ALAS1: variants seen among roughly 807,000 people sequenced by gnomAD.
ALAS1 encodes the protein 5'-aminolevulinate synthase 1, also known as 5-aminolevulinate synthase, non-specific, mitochondrial.
Under a neutral mutation model 59.6 loss-of-function variants are expected in ALAS1, and 29 were observed. The observed-to-expected ratio is 0.49, with a 90% CI of 0.36 to 0.66. The LOEUF is 0.66. Ranked by LOEUF, ALAS1 falls within the 30% of genes least tolerant of loss-of-function variation. The pLI, the probability that ALAS1 is intolerant of heterozygous loss-of-function variation, is 0.00. For synonymous variants in ALAS1, 299 were observed against 296.6 expected (o/e 1.01, Z -0.08); for missense variants, 690 against 807.5 (o/e 0.85, Z 1.76).
rs775005654 is a variant in ALAS1 at position 52,208,140 on chromosome 3, C to G, written c.1223C>G (p.Thr408Ser). The change falls in exon 9 of 12, where the codon ACC becomes AGC. Residue 408 changes from threonine to serine, a missense_variant. Thr to Ser is a moderately conservative substitution (Grantham distance 58). Transcript: ENST00000484952. ...CDVAHEFGAI[T>S]FVDEVHAVGL... is the part of the protein sequence containing the mutation. ...GTGGCCCATGAGTTTGGAGCAATCA[C>G]CTTCGTGGATGAGGTCCACGCAGTG... 1.2e-6 allele frequency: 2 copies of G among 1,610,942 alleles called. No individual in the cohort carries two copies. Among genetic ancestry groups the G allele is most frequent in the Admixed American group, 3.3e-5 (2 of 59,710 alleles).
intron 11 of ALAS1, among the ~76,000 whole-genome samples, chr3:52,213,367 G>A (rs1489385430): frequency 6.6e-6 from 1 of 152,188 alleles, no homozygotes; most frequent in East Asian, 1.9e-4. Flanking sequence ...ACGTGGCAGT[G>A]TTGGAGCAGC....
chr3:52,207,205 A>C (rs916569264), intron 8 of ALAS1, among the ~76,000 whole-genome samples: 1 of 151,872 alleles, frequency 6.6e-6, no homozygotes, highest in Non-Finnish European at 1.5e-5. Context: ...GGGTTTCACC[A>C]TGTTAGCTAG....
chr3:52,208,005 C>T (rs111868598), intron 8 of ALAS1, 78 bp from the exon 9 acceptor site: 36 of 1,366,398 alleles, frequency 2.6e-5, no homozygotes, highest in East Asian at 2.1e-4. Context: ...TAGAAGTTTA[C>T]GTTGTTCTGA....
chr3:52,199,740 A>T (rs1699150256), intron 3 of ALAS1, among the ~76,000 whole-genome samples: 2 of 152,210 alleles, frequency 1.3e-5, no homozygotes, highest in African/African-American at 4.8e-5. Flanking sequence ...TAAATATTAA[A>T]TTGGAATGTT....
chr3:52,199,864 C>A (rs935932056), intron 3 of ALAS1, among the ~76,000 whole-genome samples: 1 of 152,164 alleles, frequency 6.6e-6, no homozygotes, highest in African/African-American at 2.4e-5. Flanking sequence ...CTCTGTCGCC[C>A]AGGTTGGAGT....
chr3:52,199,424 C>T lies in ALAS1; in HGVS notation c.183C>T (p.Thr61=), dbSNP rs895199424. 1.9e-6 allele frequency: 3 copies of T among 1,613,904 alleles called. No homozygotes were observed. The highest frequency in any genetic ancestry group is 2.5e-6 in the Non-Finnish European group (3 of 1,179,908). Residue 61 remains threonine, a synonymous_variant, in exon 3 of 12, where the codon ACC becomes ACT. Coordinates refer to ENST00000484952, the MANE Select transcript of ALAS1 (RefSeq NM_000688.6). ...TACACTACCAACAGATCAAAGAAAC[C>T]CCTCCGGCCAGTGAGAGTAAGTGTC... ...AAVHYQQIKE[T]PPASEKDKTA... is the part of the protein sequence containing the mutation.
At chr3:52,209,504 G>T (rs1023230569) in intron 9 of ALAS1, among the ~76,000 whole-genome samples, 2 of 152,172 alleles carry the variant, frequency 1.3e-5, no homozygotes, top group East Asian at 1.9e-4. Flanking sequence ...ACCACACCCG[G>T]CCAGAAGCTC....
At chr3:52,206,852 T>C in intron 8 of ALAS1, 101 bp downstream of exon 8, 1 of 1,282,522 alleles carries the variant, frequency 7.8e-7, no homozygotes, top group South Asian at 1.5e-5. Context: ...TTTTTTTTTT[T>C]GTGACCGATC....
At chr3:52,213,186 G>A (rs34450753) in intron 11 of ALAS1, among the ~76,000 whole-genome samples, 3 of 152,124 alleles carry the variant, frequency 2.0e-5, no homozygotes, top group Non-Finnish European at 4.4e-5. Flanking sequence ...CAACTGCCCC[G>A]TGGTTCTATA....
chr3:52,207,338 G>C (rs1399722955), intron 8 of ALAS1, among the ~76,000 whole-genome samples: 1 of 151,836 alleles, frequency 6.6e-6, no homozygotes, highest in Non-Finnish European at 1.5e-5. Context: ...GGGTTTCACT[G>C]TGTTAGTCAG....
Position 52,212,432 on chromosome 3 carries a change from G to A in ALAS1, c.1762+12G>A, listed in dbSNP as rs1336968396. The A allele has an allele frequency of 6.2e-7, 1 of 1,613,718 alleles. No individual in the cohort carries two copies. The highest frequency in any genetic ancestry group is 1.1e-5 in the South Asian group (1 of 91,068). ...GAACTACTTCCTTGGTGAGTACCTG[G>A]GGAGCTGCTGGTGCCTCACTGAGGA... On this transcript the variant is annotated intron_variant, in intron 11 of 11. Transcript: ENST00000484952.
At chr3:52,213,882 C>A in intron 11 of ALAS1, 138 bp from the exon 12 acceptor site, 1 of 731,832 alleles carries the variant, frequency 1.4e-6, no homozygotes, top group Non-Finnish European at 2.2e-6. Flanking sequence ...TATTGGTGGA[C>A]ATTTGGTTGT....
chr3:52,198,926 C>T, intron 2 of ALAS1, 78 bp downstream of exon 2: 1 of 1,452,916 alleles, frequency 6.9e-7, no homozygotes, highest in Middle Eastern at 1.7e-4. Flanking sequence ...TTGACCTTTC[C>T]CTCATCCTTC....
intron 9 of ALAS1, among the ~76,000 whole-genome samples, chr3:52,210,706 G>C (rs1312608297): frequency 6.6e-6 from 1 of 152,110 alleles, no homozygotes; most frequent in Non-Finnish European, 1.5e-5. Flanking sequence ...TTGAGCCCAG[G>C]AGGTTGAGGC....
rs1577965662 is a variant in ALAS1, at chr3:52,204,796, C to T, written c.681C>T (p.His227=). 2 of 1,614,186 alleles carry T rather than the reference C, an allele frequency of 1.2e-6. No individual in the cohort carries two copies. The highest frequency in any genetic ancestry group is 1.1e-5 in the South Asian group (1 of 91,084). ...RVFKTVNRRA[H]IFPMADDYSD... ...TTAAAACTGTGAACCGGCGAGCACACATCTTCCCCATGGCAGATGACTATT... is the reference window on the plus strand; with the variant it reads ...TTAAAACTGTGAACCGGCGAGCACATATCTTCCCCATGGCAGATGACTATT... Residue 227 remains histidine, a synonymous_variant, in exon 6 of 12, where the codon CAC becomes CAT. Transcript: ENST00000484952.
chr3:52,199,275 T>A lies in ALAS1; in HGVS notation c.34T>A (p.Ser12Thr). The change falls in exon 3 of 12, where the codon TCC becomes ACC. Residue 12 changes from serine to threonine, a missense_variant. Coordinates refer to ENST00000484952, the MANE Select transcript of ALAS1 (RefSeq NM_000688.6). ...ESVVRRCPFL[S>T]RVPQAFLQKA... ...TGTTGTTCGCCGCTGCCCATTCTTA[T>A]CCCGAGTCCCCCAGGCCTTTCTGCA... 1 of 1,614,214 alleles carries A rather than the reference T, an allele frequency of 6.2e-7. No individual in the cohort carries two copies. The highest frequency in any genetic ancestry group is 2.2e-5 in the East Asian group (1 of 44,886).
chr3:52,211,189 A>G, intron 9 of ALAS1, 94 bp from the exon 10 acceptor site: 1 of 1,417,264 alleles, frequency 7.1e-7, no homozygotes, highest in Non-Finnish European at 9.6e-7. Flanking sequence ...GATAAGGAGA[A>G]AAGTCAGTGC....
rs1699465140 is a variant in ALAS1, at chr3:52,214,000, TA to T, written c.1763-15del. ...TGTGTATATTACTCCCTTTAATATT[TA>T]AAAACTGTTTCTCCTCAGAGAATCT... On this transcript the variant is annotated intron_variant, in intron 11 of 11. Transcript: ENST00000484952. 1 of 1,590,782 alleles carries T rather than the reference TA, an allele frequency of 6.3e-7. No individual in the cohort carries two copies. Among genetic ancestry groups the T allele is most frequent in the African/African-American group, 1.3e-5 (1 of 74,454 alleles).
At chr3:52,206,060 G>T in intron 7 of ALAS1, 37 bp downstream of exon 7, 1 of 1,537,014 alleles carries the variant, frequency 6.5e-7, no homozygotes, top group Non-Finnish European at 8.8e-7. Flanking sequence ...CGAGTTTTTT[G>T]GGTTTCTTAG....
Sources: gnomAD v4.1 joint callset for allele counts (sites outside exome capture counted in the v4.1 genomes callset) on GRCh38, gnomAD v4.1.1 for gene constraint, MANE v1.5 for transcripts, NCBI Gene and HGNC (gene_info 2026-07-23, HGNC 2026-07-21) for gene names.